The following DOCK3 variants were observed in gnomAD, a reference collection of about 807,000 sequenced individuals.
The protein encoded by DOCK3 is dedicator of cytokinesis 3, also known as dedicator of cytokinesis protein 3.
Under a neutral mutation model 265.6 loss-of-function variants are expected in DOCK3, and 60 were observed. That is an observed-to-expected ratio of 0.23 (90% confidence interval 0.18 to 0.28). The LOEUF is 0.28. Among genes scored for constraint, DOCK3 ranks in the 10% least tolerant of loss-of-function variants. DOCK3 has a pLI of 1.00. For missense variants in DOCK3, 1,981 were observed against 2,594.3 expected (o/e 0.76, Z 5.14); for synonymous variants, 881 against 938.0 (o/e 0.94, Z 1.11).
chr3:51,005,624 T>G (rs1472020689), intron 5 of DOCK3, among the ~76,000 whole-genome samples: 1 of 152,200 alleles, frequency 6.6e-6, no homozygotes, highest in Non-Finnish European at 1.5e-5. Context: ...CTGGAATTTC[T>G]CATACTATAA....
rs533922773 is a variant in DOCK3, at chr3:50,893,116, C to G, written c.218+3035C>G. On this transcript the variant is annotated intron_variant, in intron 4 of 52. Coordinates refer to ENST00000266037, the MANE Select transcript of DOCK3 (RefSeq NM_004947.5). Reference sequence around the variant, plus strand: ...CTGAGTTGGGCTGATTGGTGAGGGTCTTTGTCTATTGAAGTCAGTCCATAA... The same window carrying G: ...CTGAGTTGGGCTGATTGGTGAGGGTGTTTGTCTATTGAAGTCAGTCCATAA... 12 of 162,286 alleles carry G rather than the reference C, an allele frequency of 7.4e-5. No homozygotes were observed. The South Asian group carries it at 1.5e-3, about 21-fold the overall frequency. 10.1% of individuals were successfully genotyped at this position (162,286 alleles called of 1,614,324 possible). A position where few individuals can be genotyped will look rare whatever the true frequency, so the allele number is the denominator to read the frequency against.
intron 10 of DOCK3, among the ~76,000 whole-genome samples, chr3:51,155,111 T>A (rs188240003): frequency 6.6e-6 from 1 of 152,054 alleles, no homozygotes; most frequent in Non-Finnish European, 1.5e-5. Flanking sequence ...TCCTGAGTAG[T>A]GGGGCTATAG....
chr3:51,054,571 G>T (rs2081129003), intron 5 of DOCK3, among the ~76,000 whole-genome samples: 1 of 152,090 alleles, frequency 6.6e-6, no homozygotes, highest in Non-Finnish European at 1.5e-5. Flanking sequence ...TGTTTTCACA[G>T]TTCTGTCTTC....
intron 6 of DOCK3, among the ~76,000 whole-genome samples, chr3:51,073,445 A>T (rs4488874): frequency 0.9 from 136,682 of 152,262 alleles, 61,510 homozygotes; most frequent in East Asian, 0.95. Flanking sequence ...ATTGTTTCAG[A>T]TAAGTGAAGA....
At chr3:50,748,040 C>T (rs2039564022) in intron 1 of DOCK3, among the ~76,000 whole-genome samples, 1 of 152,154 alleles carries the variant, frequency 6.6e-6, no homozygotes, top group Non-Finnish European at 1.5e-5. Context: ...ATCATGTTAT[C>T]TGCAAGTAGA....
At chr3:51,322,367 T>A (rs765863395) in intron 32 of DOCK3, among the ~76,000 whole-genome samples, 29 of 152,096 alleles carry the variant, frequency 1.9e-4, no homozygotes, top group Non-Finnish European at 3.4e-4. Context: ...TATGCCCGGC[T>A]AATTTTTTTG....
chr3:51,057,824 T>C (rs147309292), intron 5 of DOCK3, among the ~76,000 whole-genome samples: 1 of 152,328 alleles, frequency 6.6e-6, no homozygotes, highest in East Asian at 1.9e-4. Context: ...CTTTACTTAA[T>C]CCATTTCCTT....
intron 5 of DOCK3, among the ~76,000 whole-genome samples, chr3:51,042,377 TC>T (rs576122099): frequency 2.7e-3 from 412 of 152,270 alleles, no homozygotes; most frequent in Middle Eastern, 6.8e-3. Flanking sequence ...TTGATAAAAT[TC>T]AGTATCCCTT....
At chr3:50,979,543 G>T (rs1307426389) in intron 5 of DOCK3, among the ~76,000 whole-genome samples, 1 of 152,098 alleles carries the variant, frequency 6.6e-6, no homozygotes, top group Non-Finnish European at 1.5e-5. Flanking sequence ...CTCTGGCTGT[G>T]TCACACTTGA....
intron 35 of DOCK3, among the ~76,000 whole-genome samples, chr3:51,337,947 G>T (rs933595003): frequency 1.3e-5 from 2 of 152,218 alleles, no homozygotes; most frequent in Non-Finnish European, 2.9e-5. Context: ...GCCCTGAAGT[G>T]GAGGGTCTTG....
intron 6 of DOCK3, among the ~76,000 whole-genome samples, chr3:51,074,006 T>A (rs2081972093): frequency 6.6e-6 from 1 of 152,244 alleles, no homozygotes; most frequent in African/African-American, 2.4e-5. Context: ...CCTGATTTTA[T>A]TTTCAATGAT....
intron 14 of DOCK3, among the ~76,000 whole-genome samples, chr3:51,219,870 A>G (rs1323460374): frequency 6.6e-6 from 1 of 152,162 alleles, no homozygotes; most frequent in East Asian, 1.9e-4. Flanking sequence ...TCTAGTCTCA[A>G]AAGAGGTTGG....
At chr3:51,269,862 A>T (rs1461214342) in intron 23 of DOCK3, among the ~76,000 whole-genome samples, 1 of 152,208 alleles carries the variant, frequency 6.6e-6, no homozygotes, top group Non-Finnish European at 1.5e-5. Flanking sequence ...ACCAGTATCA[A>T]GACATAAGTA....
intron 1 of DOCK3, among the ~76,000 whole-genome samples, chr3:50,773,427 A>C (rs1439487612): frequency 1.3e-5 from 2 of 152,154 alleles, no homozygotes; most frequent in Non-Finnish European, 2.9e-5. Context: ...AGTTATGGAA[A>C]TGTAAAGTTT....
intron 3 of DOCK3, among the ~76,000 whole-genome samples, chr3:50,889,370 C>T (rs2048529010): frequency 6.6e-6 from 1 of 151,772 alleles, no homozygotes; most frequent in South Asian, 2.1e-4. Flanking sequence ...AAGCATGAGC[C>T]GCCAAACCTG....
intron 12 of DOCK3, among the ~76,000 whole-genome samples, chr3:51,177,155 G>A (rs1274414644): frequency 6.6e-6 from 1 of 152,166 alleles, no homozygotes; most frequent in Non-Finnish European, 1.5e-5. Context: ...GACTCAGCAA[G>A]TTGATAACAT....
At chr3:51,282,948 A>G (rs2081211312) in intron 27 of DOCK3, among the ~76,000 whole-genome samples, 1 of 152,186 alleles carries the variant, frequency 6.6e-6, no homozygotes, top group African/African-American at 2.4e-5. Context: ...GCAAAATACT[A>G]GCAAACTGAA....
chr3:50,922,272 G>A (rs1326605924), intron 4 of DOCK3, among the ~76,000 whole-genome samples: 6 of 152,170 alleles, frequency 3.9e-5, no homozygotes. Flanking sequence ...CCCCTCCCCT[G>A]GCCTCACTGC....
At chr3:50,987,164 C>G (rs993523110) in intron 5 of DOCK3, among the ~76,000 whole-genome samples, 3 of 152,160 alleles carry the variant, frequency 2.0e-5, no homozygotes, top group African/African-American at 7.2e-5. Context: ...TGTCACAATA[C>G]TGGTTTTTTT....
Sources: allele counts gnomAD v4.1 joint callset (sites outside exome capture counted in the v4.1 genomes callset), GRCh38; gene constraint gnomAD v4.1.1; transcripts MANE v1.5; gene names NCBI Gene and HGNC (gene_info 2026-07-23, HGNC 2026-07-21).